TUSC3: variants seen among roughly 807,000 people sequenced by gnomAD.
TUSC3 encodes the protein tumor suppressor candidate 3, also known as dolichyl-diphosphooligosaccharide--protein glycosyltransferase subunit TUSC3.
A neutral mutation model predicts 44.8 loss-of-function variants in TUSC3; 45 were observed. That is an observed-to-expected ratio of 1.00 (90% CI 0.79 to 1.29). TUSC3 has a LOEUF of 1.29. TUSC3 is among the 50% of genes most tolerant of loss of function. The pLI, the probability that TUSC3 is intolerant of heterozygous loss-of-function variation, is 0.00. For synonymous variants in TUSC3, 212 were observed against 152.9 expected, an observed-to-expected ratio of 1.39 and a Z score of -2.85; for missense variants, 519 against 437.9, an observed-to-expected ratio of 1.19 and a Z score of -1.65.
chr8:15,764,273 G>T lies in TUSC3; in HGVS notation c.*117G>T. ...TTTACCATGAAGATAAACTGTTCCT[G>T]ACTTTATACTATTTTGAATTCATTC... On this transcript the variant is annotated 3_prime_UTR_variant, in exon 11 of 11. Transcript: ENST00000503731. The T allele has an allele frequency of 2.6e-6, 4 of 1,559,176 alleles. No homozygotes were observed. The South Asian group carries it at 4.5e-5, about 17-fold the overall frequency.
intron 1 of TUSC3, among the ~76,000 whole-genome samples, chr8:15,556,773 C>T: frequency 1.5e-5 from 2 of 132,888 alleles, no homozygotes; most frequent in African/African-American, 5.5e-5. Flanking sequence ...AGCATTTTTT[C>T]ATGTGTTTTT....
At chr8:15,776,443 T>C in the TUSC3 span, among the ~76,000 whole-genome samples, 447 of 152,232 alleles carry the variant, frequency 2.9e-3, 3 homozygotes, top group Non-Finnish European at 3.4e-3. Context: ...ACCTTTACAG[T>C]ACTTGACATG....
chr8:15,757,054 C>T (rs1000695467), intron 9 of TUSC3, among the ~76,000 whole-genome samples: 7 of 152,202 alleles, frequency 4.6e-5, no homozygotes, highest in South Asian at 2.1e-4. Flanking sequence ...AAATATCACT[C>T]GAGCCCAGGA....
intron 7 of TUSC3, among the ~76,000 whole-genome samples, chr8:15,738,892 G>T (rs1811061013): frequency 7.5e-6 from 1 of 133,682 alleles, no homozygotes; most frequent in Non-Finnish European, 1.5e-5. Flanking sequence ...GAGTGCAGTG[G>T]TGCAATCTCG....
At chr8:15,829,710 T>C in the TUSC3 span, among the ~76,000 whole-genome samples, 2 of 152,172 alleles carry the variant, frequency 1.3e-5, no homozygotes, top group African/African-American at 4.8e-5. Context: ...TTCCAGTGAG[T>C]TTTTCTAATT....
chr8:15,542,935 G>C (rs1225168092), intron 1 of TUSC3, among the ~76,000 whole-genome samples: 1 of 152,178 alleles, frequency 6.6e-6, no homozygotes. Context: ...TCTATAGTTT[G>C]TTAAATACTT....
chr8:15,672,652 C>A (rs866464610), intron 5 of TUSC3, among the ~76,000 whole-genome samples: 1 of 152,094 alleles, frequency 6.6e-6, no homozygotes, highest in Middle Eastern at 3.4e-3. Flanking sequence ...GGTAGATACT[C>A]CTGTTTGTGA....
chr8:15,520,805 G>C (rs545774792), intron 2 of TUSC3, among the ~76,000 whole-genome samples: 1 of 152,128 alleles, frequency 6.6e-6, no homozygotes, highest in Non-Finnish European at 1.5e-5. Flanking sequence ...AGGTTTTTCT[G>C]TGTTCTAGTT....
At chr8:15,518,853 A>G (rs7002836) in intron 2 of TUSC3, among the ~76,000 whole-genome samples, 12,677 of 152,246 alleles carry the variant, frequency 0.083, 630 homozygotes, top group Middle Eastern at 0.14. Context: ...ATATGAAAAT[A>G]TAATCCCATT....
chr8:15,554,333 TG>T, intron 1 of TUSC3, among the ~76,000 whole-genome samples: 1 of 151,708 alleles, frequency 6.6e-6, no homozygotes, highest in East Asian at 2.0e-4. Flanking sequence ...TGTGTGTCAT[TG>T]CTAGGCAGAA....
At chr8:15,443,194 C>G (rs1352863527) in intron 1 of TUSC3, among the ~76,000 whole-genome samples, 1 of 151,694 alleles carries the variant, frequency 6.6e-6, no homozygotes. Context: ...TAGAAGGCAT[C>G]TCACACTGTC....
intron 6 of TUSC3, among the ~76,000 whole-genome samples, chr8:15,712,060 A>G (rs1203726888): frequency 6.6e-6 from 1 of 151,944 alleles, no homozygotes; most frequent in Admixed American, 6.6e-5. Context: ...TCGTCACATA[A>G]TAATTTTTAT....
chr8:15,554,017 C>A (rs1466537171), intron 1 of TUSC3, among the ~76,000 whole-genome samples: 1 of 151,560 alleles, frequency 6.6e-6, no homozygotes, highest in African/African-American at 2.4e-5. Context: ...GTTATGGGAG[C>A]TGGGAAGTCC....
At chr8:15,813,914 C>A in the TUSC3 span, among the ~76,000 whole-genome samples, 55 of 152,180 alleles carry the variant, frequency 3.6e-4, no homozygotes, top group African/African-American at 1.3e-3. Flanking sequence ...CTAGCTCCAC[C>A]GTTACTAAGT....
At chr8:15,756,374 G>A (rs185893479) in intron 9 of TUSC3, among the ~76,000 whole-genome samples, 21 of 152,098 alleles carry the variant, frequency 1.4e-4, no homozygotes, top group African/African-American at 2.9e-4. Context: ...TAATCAGTTC[G>A]TAGTCCCTGA....
intron 1 of TUSC3, among the ~76,000 whole-genome samples, chr8:15,460,305 T>C (rs900291676): frequency 7.2e-5 from 11 of 152,234 alleles, no homozygotes; most frequent in African/African-American, 2.4e-4. Context: ...TGAGCATTTT[T>C]TTCGTATATT....
chr8:15,592,693 A>G (rs1803891048), intron 1 of TUSC3, among the ~76,000 whole-genome samples: 2 of 152,148 alleles, frequency 1.3e-5, no homozygotes, highest in South Asian at 2.1e-4. Flanking sequence ...CCAAATAAAC[A>G]TATTTTCTTT....
intron 5 of TUSC3, among the ~76,000 whole-genome samples, chr8:15,672,141 A>G (rs1478509086): frequency 1.3e-5 from 2 of 152,010 alleles, no homozygotes; most frequent in Non-Finnish European, 2.9e-5. Context: ...AGTGGCCTGA[A>G]TGGAGCATGC....
intron 2 of TUSC3, among the ~76,000 whole-genome samples, chr8:15,631,442 T>C (rs920497774): frequency 6.6e-6 from 1 of 152,192 alleles, no homozygotes; most frequent in African/African-American, 2.4e-5. Context: ...TCTTCATCTT[T>C]TTAATTTCAA....
Sources: gnomAD v4.1 joint callset for allele counts (sites outside exome capture counted in the v4.1 genomes callset) on GRCh38, gnomAD v4.1.1 for gene constraint, MANE v1.5 for transcripts, NCBI Gene and HGNC (gene_info 2026-07-23, HGNC 2026-07-21) for gene names.